Variants in TRERF1 observed in about 807,000 individuals in gnomAD.
TRERF1 encodes transcriptional-regulating factor 1.
Under a neutral mutation model 122.9 loss-of-function variants are expected in TRERF1, and 27 were observed. The observed-to-expected ratio is 0.22, with a 90% confidence interval of 0.16 to 0.30. The LOEUF (loss-of-function observed/expected upper bound fraction) is 0.30, where lower values mean the gene tolerates loss of function less well. Among genes scored for constraint, TRERF1 ranks in the 10% least tolerant of loss-of-function variants. The probability of loss-of-function intolerance (pLI) is 1.00; values close to 1 mark genes in which losing one functional copy is unlikely to be tolerated. For missense variants in TRERF1, 1,248 were observed against 1,560.3 expected (o/e 0.80, Z 3.37); for synonymous variants, 636 against 641.7 (o/e 0.99, Z 0.13).
intron 2 of TRERF1, among the ~76,000 whole-genome samples, chr6:42,414,725 T>C (rs1781587611): frequency 6.6e-6 from 1 of 152,234 alleles, no homozygotes; most frequent in Non-Finnish European, 1.5e-5. Flanking sequence ...TCCGTTATCT[T>C]CTATTCTTTT....
At chr6:42,335,358 T>C (rs937746727) in intron 3 of TRERF1, among the ~76,000 whole-genome samples, 3 of 152,204 alleles carry the variant, frequency 2.0e-5, no homozygotes, top group Admixed American at 2.0e-4. Context: ...CACTTACTAG[T>C]ACTCACAGTG....
intron 3 of TRERF1, among the ~76,000 whole-genome samples, chr6:42,327,280 T>TATC (rs1764456888): frequency 6.6e-6 from 1 of 152,200 alleles, no homozygotes; most frequent in South Asian, 2.1e-4. Flanking sequence ...TTCACCCATA[T>TATC]ATCTCACAAG....
chr6:42,277,944 A>AGAAGAG (rs1561895176), intron 4 of TRERF1, among the ~76,000 whole-genome samples: 1 of 150,118 alleles, frequency 6.7e-6, no homozygotes, highest in Non-Finnish European at 1.5e-5. Context: ...AAGAAGAAGA[A>AGAAGAG]GAAGAAGAAG....
intron 2 of TRERF1, among the ~76,000 whole-genome samples, chr6:42,414,754 A>G (rs145450473): frequency 6.6e-6 from 1 of 152,324 alleles, no homozygotes; most frequent in East Asian, 1.9e-4. Flanking sequence ...CGGTGTCAAA[A>G]CCCACTAAGG....
At chr6:42,299,200 T>TTTCTA (rs1554152358) in intron 4 of TRERF1, among the ~76,000 whole-genome samples, 2 of 146,712 alleles carry the variant, frequency 1.4e-5, no homozygotes, top group South Asian at 2.2e-4. Flanking sequence ...GTCTGTTTTT[T>TTTCTA]TCTATCTATC....
intron 3 of TRERF1, among the ~76,000 whole-genome samples, chr6:42,312,828 C>T (rs1761906439): frequency 6.6e-6 from 1 of 152,210 alleles, no homozygotes; most frequent in Admixed American, 6.5e-5. Flanking sequence ...TCTCCAGGAA[C>T]ACAAGGGCAG....
chr6:42,363,788 A>G (rs898981770), intron 2 of TRERF1, among the ~76,000 whole-genome samples: 2 of 152,162 alleles, frequency 1.3e-5, no homozygotes, highest in African/African-American at 4.8e-5. Flanking sequence ...CCAAGAAGCT[A>G]CCCAGAGTTG....
At chr6:42,428,780 T>C (rs111887364) in intron 2 of TRERF1, among the ~76,000 whole-genome samples, 18 of 152,350 alleles carry the variant, frequency 1.2e-4, no homozygotes, top group African/African-American at 4.3e-4. Context: ...TGGATTCATT[T>C]AGGGAAATGT....
intron 2 of TRERF1, among the ~76,000 whole-genome samples, chr6:42,388,270 A>G (rs1777146518): frequency 6.6e-6 from 1 of 151,166 alleles, no homozygotes; most frequent in East Asian, 1.9e-4. Context: ...GTACTGGAAC[A>G]GGATGGGAAA....
chr6:42,258,226 C>G, intron 9 of TRERF1, 25 bp from the exon 10 acceptor site: 2 of 1,611,550 alleles, frequency 1.2e-6, no homozygotes, highest in Non-Finnish European at 1.7e-6. Context: ...TCAGAGGTCA[C>G]TAGTCAACAG....
At chr6:42,334,720 A>C (rs965852693) in intron 3 of TRERF1, among the ~76,000 whole-genome samples, 5 of 152,240 alleles carry the variant, frequency 3.3e-5, no homozygotes, top group Non-Finnish European at 7.3e-5. Flanking sequence ...GGCTCCACCC[A>C]GGCAAGGGAG....
intron 3 of TRERF1, among the ~76,000 whole-genome samples, chr6:42,309,846 G>T (rs1468974845): frequency 6.6e-6 from 1 of 151,916 alleles, no homozygotes; most frequent in Non-Finnish European, 1.5e-5. Context: ...GAGTGCAGTG[G>T]CATGATCAGG....
intron 4 of TRERF1, among the ~76,000 whole-genome samples, chr6:42,290,838 G>A (rs1052062686): frequency 3.4e-5 from 5 of 146,544 alleles, no homozygotes; most frequent in African/African-American, 1.3e-4. Context: ...GCTGGGATGT[G>A]GGGTGGCCTG....
intron 2 of TRERF1, among the ~76,000 whole-genome samples, chr6:42,422,689 C>A (rs557986086): frequency 1.3e-5 from 2 of 151,978 alleles, no homozygotes; most frequent in Non-Finnish European, 2.9e-5. Context: ...AATCCCCCTT[C>A]GCTCCACCCC....
At chr6:42,292,481 C>T (rs1038350322) in intron 4 of TRERF1, among the ~76,000 whole-genome samples, 15 of 152,258 alleles carry the variant, frequency 9.9e-5, no homozygotes, top group African/African-American at 2.9e-4. Flanking sequence ...GGCCATAGTT[C>T]GTTCAGTAGA....
chr6:42,252,647 C>A (rs1020125072), intron 13 of TRERF1, among the ~76,000 whole-genome samples: 25 of 152,164 alleles, frequency 1.6e-4, no homozygotes, highest in Admixed American at 1.6e-3. Flanking sequence ...TTCACTGACA[C>A]CTGGGAAGCA....
At chr6:42,355,055 T>TTAA (rs1289561247) in intron 3 of TRERF1, among the ~76,000 whole-genome samples, 1 of 152,230 alleles carries the variant, frequency 6.6e-6, no homozygotes, top group Non-Finnish European at 1.5e-5. Flanking sequence ...CAATCTGTAG[T>TTAA]TAATAATAAC....
At chr6:42,279,499 AC>A (rs1307056830) in intron 4 of TRERF1, among the ~76,000 whole-genome samples, 5 of 152,070 alleles carry the variant, frequency 3.3e-5, no homozygotes, top group Admixed American at 1.3e-4. Flanking sequence ...GGGAGATCTG[AC>A]CCCCTTGGCC....
Position 42,406,761 on chromosome 6 carries a change from C to A in TRERF1, c.-453-43682G>T, listed in dbSNP as rs10456511. Among the ~76,000 whole-genome samples the A allele has an allele frequency of 2.6e-5, 4 of 152,124 alleles. No individual in the cohort carries two copies. The East Asian group carries it at 7.7e-4, about 29-fold the overall frequency. On this transcript the variant is annotated intron_variant, in intron 2 of 17. Coordinates refer to ENST00000372922, the Ensembl canonical transcript of TRERF1. ...CTGCCTTCTCATGACACTTACCCCCCACCCCCCTCCTCCCCAGCCTTTGCA... is the reference window on the plus strand; with the variant it reads ...CTGCCTTCTCATGACACTTACCCCCAACCCCCCTCCTCCCCAGCCTTTGCA...
Sources: gnomAD v4.1 joint callset for allele counts (sites outside exome capture counted in the v4.1 genomes callset) on GRCh38, gnomAD v4.1.1 for gene constraint, MANE v1.5 for transcripts, NCBI Gene and HGNC (gene_info 2026-07-23, HGNC 2026-07-21) for gene names.